Variants in ZFYVE28 observed in about 807,000 individuals in gnomAD.
ZFYVE28 encodes zinc finger FYVE-type containing 28, also known as lateral signaling target protein 2 homolog.
A neutral mutation model predicts 82.1 loss-of-function variants in ZFYVE28; 40 were observed. That is an observed-to-expected ratio of 0.49 (90% CI 0.38 to 0.63). ZFYVE28 has a LOEUF of 0.63. ZFYVE28 is among the 30% of genes least tolerant of loss of function. The probability of loss-of-function intolerance (pLI) is 0.00; values close to 1 mark genes in which losing one functional copy is unlikely to be tolerated. For missense variants in ZFYVE28, 1,321 were observed against 1,242.1 expected (o/e 1.06, Z -0.96); for synonymous variants, 612 against 546.1 (o/e 1.12, Z -1.68).
Position 2,360,385 on chromosome 4 carries a change from GTAA to G in ZFYVE28, c.40-6315_40-6313del, listed in dbSNP as rs1476439212. Among the ~76,000 whole-genome samples, 141 of 105,676 alleles carry G rather than the reference GTAA, an allele frequency of 1.3e-3. 2 individuals are homozygous for G. The highest frequency in any genetic ancestry group is 4.8e-3 in the Middle Eastern group (1 of 210). The allele number at this position is 105,676 out of a possible 152,430, so 69.3% of individuals were successfully genotyped here. A position where few individuals can be genotyped will look rare whatever the true frequency, so the allele number is the denominator to read the frequency against. ...GTTGACCATCTGCAAAAAGAGAGCT[GTAA>G]TCACACACACACACACACACACACA... On this transcript the variant is annotated intron_variant, in intron 1 of 12. Coordinates refer to ENST00000290974, the MANE Select transcript of ZFYVE28 (RefSeq NM_020972.3).
chr4:2,383,801 C>A (rs553738336), intron 1 of ZFYVE28, among the ~76,000 whole-genome samples: 1 of 152,296 alleles, frequency 6.6e-6, no homozygotes, highest in South Asian at 2.1e-4. Context: ...TCCTAAGAGA[C>A]CCTGACAGAC....
intron 1 of ZFYVE28, among the ~76,000 whole-genome samples, chr4:2,397,277 G>C (rs1391917651): frequency 6.6e-6 from 1 of 152,022 alleles, no homozygotes; most frequent in East Asian, 1.9e-4. Context: ...AGGAGTTCAA[G>C]ACCAGCCTGG....
chr4:2,299,476 G>C lies in ZFYVE28; in HGVS notation c.2051+4813C>G, dbSNP rs575727116. ...AATTCTAAAGAAATAATCCAAGGCT[G>C]GGCACAGCGGCCCACACCTGTAATC... On this transcript the variant is annotated intron_variant, in intron 8 of 12. Coordinates refer to ENST00000290974, the MANE Select transcript of ZFYVE28 (RefSeq NM_020972.3). Among the ~76,000 whole-genome samples the C allele has an allele frequency of 2.5e-3, 366 of 149,084 alleles. 1 individual carries two copies. The highest frequency in any genetic ancestry group is 8.6e-3 in the African/African-American group (345 of 40,158).
chr4:2,290,513 C>T (rs1287934764), intron 8 of ZFYVE28, among the ~76,000 whole-genome samples: 2 of 152,180 alleles, frequency 1.3e-5, no homozygotes, highest in South Asian at 2.1e-4. Context: ...GAGGATGCAA[C>T]GCTGCTCACT....
At position 2,346,142 on chromosome 4, in the gene ZFYVE28, T is replaced by C. The variant is rs554927091; in HGVS notation, c.181-4527A>G. ...AGGAGATCGAGACCATCCTGGCTAA[T>C]ACGGTGAAACCCCGTCTCTACTAAA... On this transcript the variant is annotated intron_variant, in intron 2 of 12. Transcript: ENST00000290974. Among the ~76,000 whole-genome samples the C allele has an allele frequency of 1.1e-3, 149 of 140,250 alleles. No individual in the cohort carries two copies. In the South Asian group the frequency reaches 0.024, roughly 22 times the overall value. 92.0% of individuals were successfully genotyped at this position (140,250 alleles called of 152,430 possible). A position where few individuals can be genotyped will look rare whatever the true frequency, so the allele number is the denominator to read the frequency against.
chr4:2,350,421 G>A (rs374992062), intron 2 of ZFYVE28, among the ~76,000 whole-genome samples: 9 of 151,704 alleles, frequency 5.9e-5, no homozygotes, highest in South Asian at 2.1e-4. Flanking sequence ...CCGAGATCGC[G>A]CCACTGCACT....
intron 8 of ZFYVE28, among the ~76,000 whole-genome samples, chr4:2,303,308 C>T (rs1057224369): frequency 1.3e-5 from 2 of 152,184 alleles, no homozygotes; most frequent in Admixed American, 6.5e-5. Context: ...ACCCCCTTCC[C>T]CAGTGTGAGG....
intron 1 of ZFYVE28, among the ~76,000 whole-genome samples, chr4:2,388,963 G>A (rs1422500911): frequency 6.6e-6 from 1 of 152,076 alleles, no homozygotes; most frequent in African/African-American, 2.4e-5. Flanking sequence ...AGAGGGAGTG[G>A]CCAAGGCAGC....
intron 8 of ZFYVE28, among the ~76,000 whole-genome samples, chr4:2,293,708 A>T (rs1468835526): frequency 6.9e-6 from 1 of 145,444 alleles, no homozygotes; most frequent in Non-Finnish European, 1.5e-5. Context: ...AGCCGAGATC[A>T]CACCACTGCA....
At chr4:2,289,165 C>T (rs913773858) in intron 8 of ZFYVE28, among the ~76,000 whole-genome samples, 2 of 152,036 alleles carry the variant, frequency 1.3e-5, no homozygotes, top group Non-Finnish European at 2.9e-5. Flanking sequence ...GCCCGTGGTC[C>T]CAGCTAGTCT....
At chr4:2,350,509 C>T (rs975040593) in intron 2 of ZFYVE28, among the ~76,000 whole-genome samples, 7 of 151,934 alleles carry the variant, frequency 4.6e-5, no homozygotes, top group Admixed American at 1.3e-4. Context: ...GTAAAATATA[C>T]GTTTGGTCAT....
rs1733217108 is a variant in ZFYVE28 at position 2,417,557 on chromosome 4, A to G, written c.39+728T>C. Among the ~76,000 whole-genome samples, 1 of 151,814 alleles carries G rather than the reference A, an allele frequency of 6.6e-6. No homozygotes were observed. Among genetic ancestry groups the G allele is most frequent in the Non-Finnish European group, 1.5e-5 (1 of 67,904 alleles). On this transcript the variant is annotated intron_variant, in intron 1 of 12. Coordinates refer to ENST00000290974, the MANE Select transcript of ZFYVE28 (RefSeq NM_020972.3). The surrounding 1 kb of genome is among the most constrained non-coding windows in gnomAD (Gnocchi z 4.8). Reference sequence around the variant, plus strand: ...GCTGGCCACGGGCGCGCTCGCCCCAAGGGCCGGGCGGAGGACCTGTCCCGG... The same window carrying G: ...GCTGGCCACGGGCGCGCTCGCCCCAGGGGCCGGGCGGAGGACCTGTCCCGG...
intron 1 of ZFYVE28, among the ~76,000 whole-genome samples, chr4:2,407,004 T>C (rs528281818): frequency 4.6e-5 from 7 of 152,210 alleles, no homozygotes; most frequent in East Asian, 1.9e-4. Flanking sequence ...CCAGCTCTGA[T>C]TGCTGTCCAG....
Position 2,304,713 on chromosome 4 carries a change from C to G in ZFYVE28, c.1627G>C (p.Glu543Gln), listed in dbSNP as rs147422794. Residue 543 changes from glutamate to glutamine, a missense_variant, in exon 8 of 13, where the codon GAG becomes CAG. Physicochemically the swap from Glu to Gln is conservative, Grantham distance 29 (BLOSUM62 2). Transcript: ENST00000290974. ...TTGTGGGGGCCGCCATCCATCCCCT[C>G]GGCCACGGGCTCCGAGGCGGCCTCC... ...TQEAASEPVA[E>Q]GMDGGPHKLS... 7 of 1,612,670 alleles carry G rather than the reference C, an allele frequency of 4.3e-6. No homozygotes were observed. The South Asian group carries it at 6.6e-5, about 15-fold the overall frequency.
At chr4:2,285,966 C>G (rs1463034698) in intron 8 of ZFYVE28, 1 of 152,422 alleles carries the variant, frequency 6.6e-6, no homozygotes, top group Non-Finnish European at 1.5e-5. Flanking sequence ...GTCCATATTC[C>G]TCCGGTCTCA....
chr4:2,403,703 G>A (rs995191696), intron 1 of ZFYVE28, among the ~76,000 whole-genome samples: 2 of 152,146 alleles, frequency 1.3e-5, no homozygotes, highest in Non-Finnish European at 1.5e-5. Context: ...AGTGGCTCAC[G>A]CCTGTAATCC....
chr4:2,387,578 AG>A (rs1279283178), intron 1 of ZFYVE28, among the ~76,000 whole-genome samples: 1 of 152,224 alleles, frequency 6.6e-6, no homozygotes, highest in Non-Finnish European at 1.5e-5. Context: ...AGGCCTGGGC[AG>A]GGAGCAGGGA....
chr4:2,286,098 T>A (rs1425757611), intron 8 of ZFYVE28: 1 of 152,510 alleles, frequency 6.6e-6, no homozygotes, highest in Non-Finnish European at 1.5e-5. Context: ...TGGCCTGAGA[T>A]TTGCTGCTGC....
chr4:2,344,065 A>G (rs2071050694), intron 2 of ZFYVE28, among the ~76,000 whole-genome samples: 1 of 152,224 alleles, frequency 6.6e-6, no homozygotes. Context: ...GAGACAGGAA[A>G]CAAACAAGGT....
Sources: gnomAD v4.1 joint callset for allele counts (sites outside exome capture counted in the v4.1 genomes callset) on GRCh38, gnomAD v4.1.1 for gene constraint, Gnocchi (gnomAD v3.1) non-coding constraint, MANE v1.5 for transcripts, NCBI Gene and HGNC (gene_info 2026-07-23, HGNC 2026-07-21) for gene names.